Variants in RARB observed in about 807,000 individuals in gnomAD.
RARB encodes the protein retinoic acid receptor beta, also known as HBV-activated protein.
RARB carries 17 observed loss-of-function variants against 51.9 expected under a neutral mutation model. The ratio of observed to expected loss-of-function variants is 0.33; its 90% CI spans 0.22 to 0.49. The LOEUF is 0.49. Ranked by LOEUF, RARB falls within the 20% of genes least tolerant of loss-of-function variation. The pLI, the probability that RARB is intolerant of heterozygous loss-of-function variation, is 0.99. For synonymous variants in RARB, 215 were observed against 195.4 expected, an observed-to-expected ratio of 1.10 and a Z score of -0.84; for missense variants, 369 against 550.8, an observed-to-expected ratio of 0.67 and a Z score of 3.30.
intron 2 of RARB, among the ~76,000 whole-genome samples, chr3:24,861,609 A>G (rs912878086): frequency 1.3e-5 from 2 of 151,866 alleles, no homozygotes; most frequent in African/African-American, 2.4e-5. Context: ...AAAAAAAAAA[A>G]AAAAAACCTT....
At chr3:25,528,564 T>G (rs934935071) in intron 3 of RARB, among the ~76,000 whole-genome samples, 1 of 151,944 alleles carries the variant, frequency 6.6e-6, no homozygotes, top group Non-Finnish European at 1.5e-5. Context: ...ACTCCCCTCC[T>G]GCCATGTGAT....
intron 4 of RARB, among the ~76,000 whole-genome samples, chr3:25,571,840 T>A (rs1700724069): frequency 6.6e-6 from 1 of 152,184 alleles, no homozygotes; most frequent in South Asian, 2.1e-4. Flanking sequence ...CCCAAAAATA[T>A]CTACCCAGCA....
intron 2 of RARB, among the ~76,000 whole-genome samples, chr3:24,886,384 C>T (rs980334192): frequency 6.6e-6 from 1 of 151,922 alleles, no homozygotes; most frequent in Non-Finnish European, 1.5e-5. Flanking sequence ...GAAAAGAGGA[C>T]CGTTATTGGA....
chr3:25,560,188 T>C (rs1475789291), intron 3 of RARB, among the ~76,000 whole-genome samples: 1 of 152,216 alleles, frequency 6.6e-6, no homozygotes, highest in African/African-American at 2.4e-5. Context: ...AACTTTAGCA[T>C]TTCCAGGACC....
intron 2 of RARB, among the ~76,000 whole-genome samples, chr3:24,886,139 A>T (rs1703261509): frequency 6.6e-6 from 1 of 152,304 alleles, no homozygotes; most frequent in Non-Finnish European, 1.5e-5. Flanking sequence ...ACCATAGCTA[A>T]GGCTGGAAAA....
intron 5 of RARB, among the ~76,000 whole-genome samples, chr3:25,288,467 G>A (rs565363366): frequency 6.6e-5 from 10 of 152,238 alleles, no homozygotes; most frequent in Middle Eastern, 3.4e-3. Flanking sequence ...GGTGCAGAAC[G>A]TTCTTGGTAT....
chr3:24,980,084 T>G (rs1040366029), intron 2 of RARB, among the ~76,000 whole-genome samples: 1 of 152,176 alleles, frequency 6.6e-6, no homozygotes, highest in East Asian at 1.9e-4. Context: ...TTTAAGAATG[T>G]CGAATATTGG....
At position 25,404,103 on chromosome 3, in the gene RARB, C is replaced by T. The variant is rs185858166; in HGVS notation, c.179-57090C>T. Among the ~76,000 whole-genome samples, 375 of 152,124 alleles carry T rather than the reference C, an allele frequency of 2.5e-3. 3 individuals are homozygous for T. The highest frequency in any genetic ancestry group is 0.014 in the Middle Eastern group (4 of 294). ...AGAAATTGCTCATGCTTCAACTGCT[C>T]GATTCTGATTTGAGGAAAGCAGGGA... On this transcript the variant is annotated intron_variant, in intron 5 of 11. Coordinates refer to the RARB transcript ENST00000383772.
chr3:24,902,800 G>C (rs1303061903), intron 2 of RARB, among the ~76,000 whole-genome samples: 1 of 152,096 alleles, frequency 6.6e-6, no homozygotes, highest in Non-Finnish European at 1.5e-5. Flanking sequence ...TTGACAATGA[G>C]GGCTGGCTTT....
intron 5 of RARB, among the ~76,000 whole-genome samples, chr3:25,363,344 A>G (rs900563803): frequency 6.6e-6 from 1 of 152,030 alleles, no homozygotes; most frequent in African/African-American, 2.4e-5. Flanking sequence ...CTGGAGCTCA[A>G]CTCATACATC....
chr3:25,128,992 AC>A (rs1278161859), intron 3 of RARB, among the ~76,000 whole-genome samples: 2 of 152,164 alleles, frequency 1.3e-5, no homozygotes, highest in African/African-American at 4.8e-5. Flanking sequence ...AAATTAAAAA[AC>A]ATAGAGTAAG....
At chr3:25,358,444 C>T (rs1705820275) in intron 5 of RARB, among the ~76,000 whole-genome samples, 1 of 152,178 alleles carries the variant, frequency 6.6e-6, no homozygotes, top group South Asian at 2.1e-4. Context: ...AACTTGACTT[C>T]CTCTCTTCCT....
At chr3:24,994,832 A>G (rs1390702850) in intron 2 of RARB, among the ~76,000 whole-genome samples, 3 of 151,944 alleles carry the variant, frequency 2.0e-5, no homozygotes, top group East Asian at 1.9e-4. Context: ...TGGATTTTCT[A>G]TTTTATTTCA....
chr3:25,249,744 A>C (rs1575256348), intron 5 of RARB, among the ~76,000 whole-genome samples: 1 of 78,574 alleles, frequency 1.3e-5, no homozygotes, highest in East Asian at 3.4e-4. Context: ...TTCCTTTCTT[A>C]GTTACATAGG....
chr3:24,991,222 C>T (rs1029304168), intron 2 of RARB, among the ~76,000 whole-genome samples: 2 of 152,144 alleles, frequency 1.3e-5, no homozygotes, highest in East Asian at 1.9e-4. Flanking sequence ...GGGCAGATCA[C>T]CTGAGGTCAG....
chr3:25,422,557 C>G (rs941055146), intron 5 of RARB, among the ~76,000 whole-genome samples: 4 of 151,994 alleles, frequency 2.6e-5, no homozygotes, highest in African/African-American at 9.7e-5. Context: ...AGTGGAAGAA[C>G]AGGGGTATCT....
chr3:25,474,876 A>G lies in RARB; in HGVS notation c.306+13535A>G, dbSNP rs137871675. Among the ~76,000 whole-genome samples the G allele has an allele frequency of 2.3e-3, 351 of 152,292 alleles. 1 individual carries two copies. The highest frequency in any genetic ancestry group is 7.9e-3 in the African/African-American group (330 of 41,570). ...TGGAAAGTATGCCCTACTTAAATGC[A>G]TGTTTGGTGCTAATTCTTGCCTGTT... On this transcript the variant is annotated intron_variant, in intron 2 of 7. Transcript: ENST00000330688.
intron 5 of RARB, among the ~76,000 whole-genome samples, chr3:25,386,526 G>A (rs11917383): frequency 0.03 from 4,581 of 152,272 alleles, 223 homozygotes; most frequent in African/African-American, 0.1. Context: ...AAAACTACTC[G>A]AGAGGTTGTT....
chr3:25,081,964 G>T (rs1208176448), intron 3 of RARB, among the ~76,000 whole-genome samples: 2 of 151,804 alleles, frequency 1.3e-5, no homozygotes, highest in Non-Finnish European at 2.9e-5. Context: ...CTGTTATTAG[G>T]TGTATATACA....
Sources: gnomAD v4.1 joint callset for allele counts (sites outside exome capture counted in the v4.1 genomes callset) on GRCh38, gnomAD v4.1.1 for gene constraint, MANE v1.5 for transcripts, NCBI Gene and HGNC (gene_info 2026-07-23, HGNC 2026-07-21) for gene names.